GRIA4: variants seen among roughly 807,000 people sequenced by gnomAD.
GRIA4 encodes glutamate receptor 4.
In GRIA4, 34 loss-of-function variants were observed where a neutral mutation model predicts 104.0. That is an observed-to-expected ratio of 0.33 (90% CI 0.25 to 0.44). GRIA4 has a LOEUF of 0.44. Among genes scored for constraint, GRIA4 ranks in the 20% least tolerant of loss-of-function variants. The pLI is 1.00. For synonymous variants in GRIA4, 386 were observed against 381.9 expected, an observed-to-expected ratio of 1.01 and a Z score of -0.13; for missense variants, 750 against 1,096.5, an observed-to-expected ratio of 0.68 and a Z score of 4.46.
In GRIA4 at chr11:105,702,529, G is replaced by A. The variant is rs1953534449; in HGVS notation, c.248-50452G>A. Among the ~76,000 whole-genome samples the A allele has an allele frequency of 2.0e-5, 3 of 151,630 alleles. No individual in the cohort carries two copies. In the South Asian group the frequency reaches 6.2e-4, roughly 31 times the overall value. ...ATGGTACCTAGATGGGAAAGGGCAT[G>A]AAAAGACATTTATATAATAAAAAGA... On this transcript the variant is annotated intron_variant, in intron 3 of 16. Transcript: ENST00000282499.
chr11:105,795,385 A>G (rs1437389967), intron 4 of GRIA4, among the ~76,000 whole-genome samples: 2 of 152,160 alleles, frequency 1.3e-5, no homozygotes, highest in Non-Finnish European at 2.9e-5. Flanking sequence ...CTAAGGATTC[A>G]TGGAGAAGTC....
chr11:105,781,724 C>G (rs1038971524), intron 4 of GRIA4, among the ~76,000 whole-genome samples: 2 of 151,984 alleles, frequency 1.3e-5, no homozygotes, highest in Non-Finnish European at 2.9e-5. Context: ...ATCGGAGACA[C>G]AAAAATATGC....
chr11:105,673,827 A>G (rs1000503666), intron 3 of GRIA4, among the ~76,000 whole-genome samples: 2 of 152,034 alleles, frequency 1.3e-5, no homozygotes, highest in Non-Finnish European at 2.9e-5. Flanking sequence ...TGTATAAAAT[A>G]TCTATTATAC....
At chr11:105,688,970 A>G (rs1952991539) in intron 3 of GRIA4, among the ~76,000 whole-genome samples, 1 of 152,262 alleles carries the variant, frequency 6.6e-6, no homozygotes, top group South Asian at 2.1e-4. Context: ...AATGGCTTAT[A>G]GTTGATGAAC....
At chr11:105,681,791 C>T (rs1414399137) in intron 3 of GRIA4, among the ~76,000 whole-genome samples, 1 of 151,924 alleles carries the variant, frequency 6.6e-6, no homozygotes, top group Non-Finnish European at 1.5e-5. Flanking sequence ...ATGTGTAATC[C>T]CAAACTTTGG....
chr11:105,783,708 G>T (rs979368697), intron 4 of GRIA4, among the ~76,000 whole-genome samples: 1 of 151,420 alleles, frequency 6.6e-6, no homozygotes, highest in African/African-American at 2.4e-5. Flanking sequence ...GACAGACCTT[G>T]AAATAAAAAG....
chr11:105,862,308 T>A, intron 5 of GRIA4, 100 bp downstream of exon 5: 1 of 680,834 alleles, frequency 1.5e-6, no homozygotes, highest in South Asian at 1.9e-5. Flanking sequence ...GCTTTTAATT[T>A]GGAGTGTGAG....
At chr11:105,781,679 A>G (rs764984210) in intron 4 of GRIA4, among the ~76,000 whole-genome samples, 7 of 152,142 alleles carry the variant, frequency 4.6e-5, no homozygotes, top group Non-Finnish European at 8.8e-5. Flanking sequence ...TTGAATTTAC[A>G]GTTCTTTTAA....
chr11:105,723,849 A>G (rs1938004465), intron 3 of GRIA4, among the ~76,000 whole-genome samples: 1 of 152,074 alleles, frequency 6.6e-6, no homozygotes, highest in East Asian at 1.9e-4. Context: ...GTCACCAACA[A>G]CAAAACAAAT....
rs1352751931 is a variant in GRIA4 at position 105,678,797 on chromosome 11, A to G, written c.247+66363A>G. ...TCTCAAATACCATTAAGGTAAAAGT[A>G]TATTATTTGCAGAAATAAATAAAAT... On this transcript the variant is annotated intron_variant, in intron 3 of 16. Coordinates refer to ENST00000282499, the MANE Select transcript of GRIA4 (RefSeq NM_000829.4). 2.6e-5 allele frequency among the ~76,000 whole-genome samples: 4 copies of G among 152,138 alleles called. No homozygotes were observed. The East Asian group carries it at 7.7e-4, about 29-fold the overall frequency.
chr11:105,724,346 TAG>T (rs1938041164), intron 3 of GRIA4, among the ~76,000 whole-genome samples: 1 of 151,058 alleles, frequency 6.6e-6, no homozygotes, highest in Non-Finnish European at 1.5e-5. Context: ...CATAGATAGA[TAG>T]ATAGATGGAT....
intron 5 of GRIA4, among the ~76,000 whole-genome samples, chr11:105,865,307 A>T (rs545184): frequency 0.38 from 57,671 of 152,086 alleles, 11,054 homozygotes; most frequent in Non-Finnish European, 0.41. Context: ...TCATATCAAC[A>T]CCAATCAAAC....
chr11:105,684,600 A>T (rs1952816236), intron 3 of GRIA4, among the ~76,000 whole-genome samples: 1 of 147,244 alleles, frequency 6.8e-6, no homozygotes, highest in South Asian at 2.1e-4. Flanking sequence ...TAATATAAAT[A>T]TATTTTTATA....
At chr11:105,898,137 A>T (rs1315950910) in intron 6 of GRIA4, 132 bp from the exon 7 acceptor site, 2 of 458,320 alleles carry the variant, frequency 4.4e-6, no homozygotes, top group Non-Finnish European at 7.8e-6. Context: ...TTTTATTATC[A>T]TTTTCCACAT....
At chr11:105,932,444 C>T (rs944115782) in intron 13 of GRIA4, among the ~76,000 whole-genome samples, 2 of 152,088 alleles carry the variant, frequency 1.3e-5, no homozygotes, top group Non-Finnish European at 2.9e-5. Flanking sequence ...CAGTCTGAGC[C>T]ACGGCACCTG....
chr11:105,833,792 A>G (rs1270134643), intron 4 of GRIA4, among the ~76,000 whole-genome samples: 3 of 151,984 alleles, frequency 2.0e-5, no homozygotes, highest in African/African-American at 7.2e-5. Flanking sequence ...GAGAGCCCTT[A>G]CATGTTCTCC....
intron 4 of GRIA4, among the ~76,000 whole-genome samples, chr11:105,840,862 A>G (rs186197268): frequency 6.6e-5 from 10 of 152,280 alleles, no homozygotes; most frequent in Non-Finnish European, 1.0e-4. Context: ...CTTTTCATCT[A>G]TTATTAACCA....
intron 3 of GRIA4, among the ~76,000 whole-genome samples, chr11:105,614,727 G>A (rs190697042): frequency 1.6e-4 from 24 of 152,042 alleles, no homozygotes; most frequent in African/African-American, 5.8e-4. Flanking sequence ...TTTGACAAAT[G>A]AGCATGCTGA....
intron 3 of GRIA4, among the ~76,000 whole-genome samples, chr11:105,701,518 A>G (rs1262731768): frequency 6.6e-6 from 1 of 152,030 alleles, no homozygotes; most frequent in African/African-American, 2.4e-5. Flanking sequence ...CACATCTACT[A>G]CGTATTGATC....
Sources: gnomAD v4.1 joint callset for allele counts (sites outside exome capture counted in the v4.1 genomes callset) on GRCh38, gnomAD v4.1.1 for gene constraint, MANE v1.5 for transcripts, NCBI Gene and HGNC (gene_info 2026-07-23, HGNC 2026-07-21) for gene names.